SPIDR: variants seen among roughly 807,000 people sequenced by gnomAD.
SPIDR encodes DNA repair-scaffolding protein.
A neutral mutation model predicts 104.6 loss-of-function variants in SPIDR; 93 were observed. The observed-to-expected ratio is 0.89, with a 90% CI of 0.75 to 1.06. SPIDR has a LOEUF of 1.06. Ranked by LOEUF, SPIDR falls within the 50% of genes least tolerant of loss-of-function variation. SPIDR has a pLI of 0.00. For missense variants in SPIDR, 1,154 were observed against 1,111.2 expected, an observed-to-expected ratio of 1.04 and a Z score of -0.55; for synonymous variants, 431 against 416.9, an observed-to-expected ratio of 1.03 and a Z score of -0.41.
At chr8:47,393,560 A>C (rs2060860175) in intron 5 of SPIDR, among the ~76,000 whole-genome samples, 1 of 151,880 alleles carries the variant, frequency 6.6e-6, no homozygotes, top group Non-Finnish European at 1.5e-5. Context: ...CTCTCTGCCT[A>C]ATTAATCCAC....
At chr8:47,637,846 T>A (rs1386219535) in intron 10 of SPIDR, among the ~76,000 whole-genome samples, 2 of 152,198 alleles carry the variant, frequency 1.3e-5, no homozygotes, top group South Asian at 4.1e-4. Flanking sequence ...GAAGCCATCA[T>A]GCACAATGCA....
intron 8 of SPIDR, among the ~76,000 whole-genome samples, chr8:47,523,603 G>C (rs2084510996): frequency 6.6e-6 from 1 of 152,196 alleles, no homozygotes; most frequent in South Asian, 2.1e-4. Flanking sequence ...GTGTGAGTCT[G>C]TCTCCCTGCC....
At chr8:47,635,494 G>T (rs1012482515) in intron 10 of SPIDR, among the ~76,000 whole-genome samples, 1 of 151,998 alleles carries the variant, frequency 6.6e-6, no homozygotes, top group African/African-American at 2.4e-5. Flanking sequence ...ATATATACAC[G>T]TACTATGTAC....
intron 8 of SPIDR, among the ~76,000 whole-genome samples, chr8:47,532,864 GC>G (rs1164718231): frequency 6.6e-6 from 1 of 152,168 alleles, no homozygotes; most frequent in Non-Finnish European, 1.5e-5. Context: ...ATTCACCAAG[GC>G]AGACCAAATT....
chr8:47,276,262 A>G (rs1247124564), intron 1 of SPIDR, among the ~76,000 whole-genome samples: 2 of 152,214 alleles, frequency 1.3e-5, no homozygotes, highest in African/African-American at 2.4e-5. Flanking sequence ...GTATAGCTCT[A>G]GATATATTCT....
chr8:47,443,062 A>G (rs1020211837), intron 8 of SPIDR, among the ~76,000 whole-genome samples: 7 of 152,208 alleles, frequency 4.6e-5, no homozygotes, highest in African/African-American at 1.4e-4. Context: ...GAGAAGTAAA[A>G]TTAGATCAAG....
intron 10 of SPIDR, among the ~76,000 whole-genome samples, chr8:47,626,407 G>T (rs2066116007): frequency 6.6e-6 from 1 of 152,140 alleles, no homozygotes; most frequent in African/African-American, 2.4e-5. Flanking sequence ...TTAAACTAAA[G>T]AGCTTCTGCA....
At chr8:47,686,941 C>CT (rs915013730) in intron 11 of SPIDR, among the ~76,000 whole-genome samples, 43 of 140,994 alleles carry the variant, frequency 3.0e-4, no homozygotes, top group South Asian at 1.8e-3. Flanking sequence ...AGTTAGGGTT[C>CT]TTTTTTTTTT....
intron 7 of SPIDR, among the ~76,000 whole-genome samples, chr8:47,424,052 A>G (rs1014808998): frequency 5.3e-5 from 8 of 152,138 alleles, no homozygotes; most frequent in African/African-American, 1.9e-4. Context: ...ACAGGAGAAT[A>G]TGGATGGGTA....
chr8:47,270,719 G>A (rs1031831646), intron 1 of SPIDR, among the ~76,000 whole-genome samples: 2 of 152,008 alleles, frequency 1.3e-5, no homozygotes, highest in Non-Finnish European at 2.9e-5. Flanking sequence ...AGATTTCTCA[G>A]TAAGTACTGC....
intron 5 of SPIDR, among the ~76,000 whole-genome samples, chr8:47,362,396 G>A (rs1271181044): frequency 1.3e-5 from 2 of 152,164 alleles, no homozygotes; most frequent in Non-Finnish European, 2.9e-5. Context: ...TCGGAAGGCT[G>A]CCTTGAACAC....
intron 8 of SPIDR, among the ~76,000 whole-genome samples, chr8:47,502,848 A>G (rs968469197): frequency 6.6e-6 from 1 of 152,060 alleles, no homozygotes; most frequent in Non-Finnish European, 1.5e-5. Context: ...CTTTGTTCTC[A>G]TTGGTTTCAA....
intron 8 of SPIDR, among the ~76,000 whole-genome samples, chr8:47,542,296 T>C (rs2088347015): frequency 6.6e-6 from 1 of 152,134 alleles, no homozygotes; most frequent in African/African-American, 2.4e-5. Context: ...AACCATTTGT[T>C]ACTTTATGGG....
At position 47,490,867 on chromosome 8, in the gene SPIDR, G is replaced by A. The variant is rs537654606; in HGVS notation, c.1097+50325G>A. Among the ~76,000 whole-genome samples the A allele has an allele frequency of 1.2e-4, 19 of 152,214 alleles. No homozygotes were observed. In the South Asian group the frequency reaches 3.5e-3, roughly 28 times the overall value. ...GTGCTAGGGTGCGGGGAGAGGGGAG[G>A]GATAGCATTATGAGATATACCTAAT... On this transcript the variant is annotated intron_variant, in intron 8 of 19. Coordinates refer to ENST00000297423, the MANE Select transcript of SPIDR (RefSeq NM_001080394.4).
intron 11 of SPIDR, among the ~76,000 whole-genome samples, chr8:47,686,729 A>G (rs1490687549): frequency 1.3e-5 from 2 of 152,106 alleles, no homozygotes; most frequent in Non-Finnish European, 2.9e-5. Flanking sequence ...TAAATTTCTC[A>G]TTTGTTTTAT....
chr8:47,563,173 CT>C (rs2057299184), intron 8 of SPIDR, among the ~76,000 whole-genome samples: 2 of 151,784 alleles, frequency 1.3e-5, no homozygotes, highest in African/African-American at 4.8e-5. Flanking sequence ...CACAGGCCCT[CT>C]TTTTTTCTTT....
chr8:47,554,062 A>AGCAAATACTGCAGAACG (rs1227367854), intron 8 of SPIDR, among the ~76,000 whole-genome samples: 1 of 152,162 alleles, frequency 6.6e-6, no homozygotes, highest in Admixed American at 6.5e-5. Flanking sequence ...GCTGCAGAAC[A>AGCAAATACTGCAGAACG]GCAAATACTG....
At chr8:47,286,332 A>T (rs1445336085) in intron 3 of SPIDR, among the ~76,000 whole-genome samples, 1 of 152,228 alleles carries the variant, frequency 6.6e-6, no homozygotes, top group Non-Finnish European at 1.5e-5. Flanking sequence ...AGTCCTTTCC[A>T]ATGAATGACT....
intron 5 of SPIDR, among the ~76,000 whole-genome samples, chr8:47,324,605 A>G (rs538544734): frequency 2.7e-4 from 41 of 152,314 alleles, no homozygotes; most frequent in Non-Finnish European, 4.9e-4. Context: ...TACTAATAAT[A>G]TTTCCAGTAG....
Sources: allele counts gnomAD v4.1 joint callset (sites outside exome capture counted in the v4.1 genomes callset), GRCh38; gene constraint gnomAD v4.1.1; transcripts MANE v1.5; gene names NCBI Gene and HGNC (gene_info 2026-07-23, HGNC 2026-07-21).